CCDC88A: variants seen among roughly 807,000 people sequenced by gnomAD.
CCDC88A encodes the protein coiled-coil and HOOK domain protein 88A.
Under a neutral mutation model 234.3 loss-of-function variants are expected in CCDC88A, and 54 were observed. That is an observed-to-expected ratio of 0.23 (90% CI 0.19 to 0.29). CCDC88A has a LOEUF of 0.29. CCDC88A is among the 10% of genes least tolerant of loss of function. The pLI, the probability that CCDC88A is intolerant of heterozygous loss-of-function variation, is 1.00. For missense variants in CCDC88A, 1,832 were observed against 2,123.4 expected (o/e 0.86, Z 2.70); for synonymous variants, 753 against 737.8 (o/e 1.02, Z -0.33).
chr2:55,330,884 A>G (rs964758154), intron 16 of CCDC88A, among the ~76,000 whole-genome samples: 1 of 152,200 alleles, frequency 6.6e-6, no homozygotes, highest in East Asian at 1.9e-4. Context: ...TTTTATACAA[A>G]TGCTTTTGTC....
chr2:55,406,762 TAA>T (rs11334511), intron 2 of CCDC88A, among the ~76,000 whole-genome samples: 11 of 150,158 alleles, frequency 7.3e-5, no homozygotes, highest in Admixed American at 1.3e-4. Context: ...CTGTCTCAAA[TAA>T]AAAAAAAAAA....
chr2:55,373,203 C>T (rs1673094221), intron 4 of CCDC88A, among the ~76,000 whole-genome samples: 1 of 152,142 alleles, frequency 6.6e-6, no homozygotes, highest in Admixed American at 6.6e-5. Flanking sequence ...ATGAAAAAGT[C>T]CAAATCTTCT....
intron 23 of CCDC88A, among the ~76,000 whole-genome samples, chr2:55,310,298 A>G (rs978573797): frequency 6.6e-6 from 1 of 152,082 alleles, no homozygotes; most frequent in African/African-American, 2.4e-5. Context: ...GAGTGGAGAT[A>G]AGGCAGGGCG....
At chr2:55,353,168 TG>T (rs1187141779) in intron 8 of CCDC88A, among the ~76,000 whole-genome samples, 1 of 152,190 alleles carries the variant, frequency 6.6e-6, no homozygotes, top group Non-Finnish European at 1.5e-5. Flanking sequence ...TCAAGTTGTT[TG>T]GAATTTTAAT....
At chr2:55,341,932 A>G (rs1668564637) in intron 12 of CCDC88A, among the ~76,000 whole-genome samples, 1 of 152,182 alleles carries the variant, frequency 6.6e-6, no homozygotes, top group Non-Finnish European at 1.5e-5. Flanking sequence ...ATATATACCC[A>G]GGAGCAAAAC....
In CCDC88A at chr2:55,308,977, T is replaced by C; in HGVS notation, c.4219A>G (p.Lys1407Glu). Residue 1407 changes from lysine (K) to glutamate (E), a missense_variant, in exon 25 of 33, where the codon AAG (lysine) becomes GAG (glutamate). Physicochemically the swap from Lys to Glu is moderately conservative, Grantham distance 56 (BLOSUM62 1). Transcript: ENST00000436346. ...TLKMRKLIKS[K>E]KDINRERQKS... ...TGGCGTTCCCGATTAATATCTTTCT[T>C]AGACTTTATCAATTTTCTCATTTTT... 6.2e-7 allele frequency: 1 copy of C among 1,614,058 alleles called. No individual in the cohort carries two copies. The highest frequency in any genetic ancestry group is 8.5e-7 in the Non-Finnish European group (1 of 1,179,928).
intron 13 of CCDC88A, 49 bp downstream of exon 13, chr2:55,339,415 C>G: frequency 7.5e-7 from 1 of 1,332,938 alleles, no homozygotes. Flanking sequence ...TTTATTTACA[C>G]TTTTACAAGT....
chr2:55,319,951 T>C (rs576715351), intron 18 of CCDC88A, among the ~76,000 whole-genome samples: 2 of 152,168 alleles, frequency 1.3e-5, no homozygotes, highest in African/African-American at 4.8e-5. Context: ...CATATCTATA[T>C]GTAAATATAA....
intron 31 of CCDC88A, chr2:55,295,370 A>C (rs1401500393): frequency 1.3e-6 from 2 of 1,536,724 alleles, no homozygotes; most frequent in Admixed American, 2.0e-5. Flanking sequence ...GGGCCACAGT[A>C]AATGGTCCTA....
In CCDC88A at chr2:55,299,890, T is replaced by C; in HGVS notation, c.4774A>G (p.Arg1592Gly). The change falls in exon 29 of 33, where the codon AGA becomes GGA. Residue 1592 changes from arginine to glycine, a missense_variant. By Grantham distance (125) the Arg-to-Gly change is moderately radical. Around this residue, in one of 6 missense-constraint regions of CCDC88A, gnomAD observed 422 missense variants for 416.5 expected, o/e 1.01. Transcript: ENST00000436346. Reference sequence around the variant, plus strand: ...TTATTGCTATTGCTAGTGGATGTTCTGCCACTATCAAGGCTGGCTGGTCTT... The same window carrying C: ...TTATTGCTATTGCTAGTGGATGTTCCGCCACTATCAAGGCTGGCTGGTCTT... Reference protein sequence around the residue: ...ASRPASLDSGRTSTSNSNNNA... With the variant: ...ASRPASLDSGGTSTSNSNNNA... The C allele has an allele frequency of 3.1e-6, 5 of 1,613,742 alleles. No homozygotes were observed. The highest frequency in any genetic ancestry group is 4.2e-6 in the Non-Finnish European group (5 of 1,179,766).
At chr2:55,300,183 G>C (rs1280690044) in intron 28 of CCDC88A, 2 of 372,966 alleles carry the variant, frequency 5.4e-6, no homozygotes, top group Non-Finnish European at 1.0e-5. Flanking sequence ...GATATGCCAG[G>C]AGTGTTTTAG....
At chr2:55,372,029 TCCTTTTTTA>T (rs1322481798) in intron 5 of CCDC88A, among the ~76,000 whole-genome samples, 1 of 152,128 alleles carries the variant, frequency 6.6e-6, no homozygotes, top group Non-Finnish European at 1.5e-5. Context: ...AAATTCTGCC[TCCTTTTTTA>T]CCTTTTTTTT....
chr2:55,332,122 T>G lies in CCDC88A; in HGVS notation c.2855+444A>C, dbSNP rs1684983953. On this transcript the variant is annotated intron_variant, in intron 16 of 32. Coordinates refer to ENST00000436346, the MANE Select transcript of CCDC88A (RefSeq NM_001365480.1). This position sits in a 1 kb window ranked among gnomAD's most constrained non-coding sequence, Gnocchi z 4.5. ...CTCTTTTCTCCTTACAGAACTTTCT[T>G]TTTTTTTCTTTTTGAGATGGAGTTT... 1 of 153,462 alleles carries G rather than the reference T, an allele frequency of 6.5e-6. No individual in the cohort carries two copies. Among genetic ancestry groups the G allele is most frequent in the Admixed American group, 6.5e-5 (1 of 15,290 alleles). 9.5% of individuals were successfully genotyped at this position (153,462 alleles called of 1,614,324 possible).
At chr2:55,374,269 G>A (rs1673261538) in intron 4 of CCDC88A, among the ~76,000 whole-genome samples, 1 of 152,144 alleles carries the variant, frequency 6.6e-6, no homozygotes, top group South Asian at 2.1e-4. Flanking sequence ...TTGGGAGGCT[G>A]AGGCAGGAGA....
chr2:55,301,373 C>A, intron 27 of CCDC88A, 96 bp from the exon 28 acceptor site: 1 of 658,564 alleles, frequency 1.5e-6, no homozygotes, highest in South Asian at 2.0e-5. Context: ...GTTTTTCAAT[C>A]ATGTATAATA....
chr2:55,403,804 G>A (rs999143091), intron 2 of CCDC88A: 3 of 152,184 alleles, frequency 2.0e-5, no homozygotes. Context: ...CTCATGACCA[G>A]TAACTGAAAC....
At chr2:55,346,449 C>T in intron 9 of CCDC88A, 116 bp from the exon 10 acceptor site, 2 of 554,056 alleles carry the variant, frequency 3.6e-6, no homozygotes, top group Non-Finnish European at 5.6e-6. Context: ...GATGGAGTTT[C>T]ACTCTTGTTG....
At chr2:55,357,696 G>C (rs954280493) in intron 7 of CCDC88A, among the ~76,000 whole-genome samples, 7 of 151,980 alleles carry the variant, frequency 4.6e-5, no homozygotes, top group African/African-American at 1.7e-4. Flanking sequence ...AGTCTTATCT[G>C]CCTTCCCTGA....
intron 5 of CCDC88A, among the ~76,000 whole-genome samples, chr2:55,366,708 T>G (rs1456716103): frequency 6.6e-6 from 1 of 152,088 alleles, no homozygotes; most frequent in East Asian, 1.9e-4. Context: ...CCTTAATACT[T>G]TATTCCTCAA....
Sources: gnomAD v4.1 joint callset for allele counts (sites outside exome capture counted in the v4.1 genomes callset) on GRCh38, gnomAD v4.1.1 for gene constraint, gnomAD v4.1.1 regional missense constraint, Gnocchi (gnomAD v3.1) non-coding constraint, MANE v1.5 for transcripts, NCBI Gene and HGNC (gene_info 2026-07-23, HGNC 2026-07-21) for gene names.